TRIM75: variants seen among roughly 807,000 people sequenced by gnomAD.
TRIM75 encodes the protein tripartite motif-containing protein 75.
the TRIM75 span, among the ~76,000 whole-genome samples, chr4:165,057,670 A>G: frequency 2.0e-5 from 3 of 152,096 alleles, no homozygotes; most frequent in Non-Finnish European, 2.9e-5. Flanking sequence ...AGTAGCTATT[A>G]CAGGCATGTG....
chr4:165,057,792 C>G, the TRIM75 span, among the ~76,000 whole-genome samples: 1 of 152,170 alleles, frequency 6.6e-6, no homozygotes, highest in Non-Finnish European at 1.5e-5. Flanking sequence ...CCTCGGCCTC[C>G]CAAAGTGCTG....
the TRIM75 span, chr4:165,060,097 G>T: frequency 1.3e-6 from 1 of 780,930 alleles, no homozygotes; most frequent in Non-Finnish European, 2.4e-6. Context: ...AAACGTGTGA[G>T]ATTTACAAAG....
At chr4:165,055,090 A>G in the TRIM75 span, among the ~76,000 whole-genome samples, 1 of 151,956 alleles carries the variant, frequency 6.6e-6, no homozygotes, top group Non-Finnish European at 1.5e-5. Flanking sequence ...TAGCTCCCCC[A>G]AGGCCACACA....
chr4:165,058,406 C>G, the TRIM75 span, among the ~76,000 whole-genome samples: 1 of 151,872 alleles, frequency 6.6e-6, no homozygotes, highest in Non-Finnish European at 1.5e-5. Flanking sequence ...ATTGCCCAGG[C>G]TAGAAATAAC....
chr4:165,060,279 T>G, the TRIM75 span: 1 of 780,780 alleles, frequency 1.3e-6, no homozygotes, highest in Non-Finnish European at 2.4e-6. Context: ...GAGGAGACCC[T>G]CATCAGCCCA....
At chr4:165,057,117 A>G in the TRIM75 span, among the ~76,000 whole-genome samples, 1 of 152,186 alleles carries the variant, frequency 6.6e-6, no homozygotes, top group African/African-American at 2.4e-5. Context: ...TGCCTTGTAT[A>G]GAATGTATGT....
the TRIM75 span, chr4:165,059,734 G>A: frequency 5.4e-5 from 42 of 780,712 alleles, no homozygotes; most frequent in Admixed American, 4.1e-4. Context: ...TTTTTAGACC[G>A]TGAGCAACAG....
the TRIM75 span, among the ~76,000 whole-genome samples, chr4:165,058,032 A>G: frequency 6.6e-6 from 1 of 152,178 alleles, no homozygotes; most frequent in African/African-American, 2.4e-5. Context: ...AATTTTGTTT[A>G]TATTCAATGT....
chr4:165,054,168 C>T, the TRIM75 span, among the ~76,000 whole-genome samples: 1 of 151,686 alleles, frequency 6.6e-6, no homozygotes, highest in African/African-American at 2.4e-5. Context: ...TCTTGGCTAA[C>T]TACAACCTCT....
At chr4:165,056,022 T>C in the TRIM75 span, among the ~76,000 whole-genome samples, 1 of 151,068 alleles carries the variant, frequency 6.6e-6, no homozygotes, top group Non-Finnish European at 1.5e-5. Context: ...TTCAAGCGAC[T>C]TTCCCACCTC....
the TRIM75 span, among the ~76,000 whole-genome samples, chr4:165,056,061 A>T: frequency 1.3e-5 from 2 of 151,428 alleles, no homozygotes; most frequent in African/African-American, 4.9e-5. Context: ...GACTACAGGC[A>T]TCAGTTATCT....
chr4:165,060,477 GGGCCTCTTC>G, the TRIM75 span: 1 of 779,812 alleles, frequency 1.3e-6, no homozygotes, highest in Non-Finnish European at 2.4e-6. Context: ...CACTTTTACT[GGGCCTCTTC>G]GGCCTTATTT....
chr4:165,060,409 T>A, the TRIM75 span: 1 of 780,918 alleles, frequency 1.3e-6, no homozygotes, highest in Non-Finnish European at 2.4e-6. Flanking sequence ...GACTATGAGA[T>A]GGGTGAGATC....
At chr4:165,056,259 T>C in the TRIM75 span, among the ~76,000 whole-genome samples, 1 of 151,628 alleles carries the variant, frequency 6.6e-6, no homozygotes, top group East Asian at 1.9e-4. Flanking sequence ...TACAGCAAGA[T>C]CCCATCTCTA....
chr4:165,058,456 A>G, the TRIM75 span, among the ~76,000 whole-genome samples: 1 of 152,182 alleles, frequency 6.6e-6, no homozygotes, highest in Non-Finnish European at 1.5e-5. Context: ...GTCATTATTT[A>G]CCTGATTCCA....
the TRIM75 span, among the ~76,000 whole-genome samples, chr4:165,056,636 A>G: frequency 1.1e-5 from 1 of 92,744 alleles, no homozygotes; most frequent in Non-Finnish European, 2.0e-5. Context: ...TTTTTTTGAG[A>G]CAGAGTCTCG....
the TRIM75 span, chr4:165,059,039 G>T: frequency 9.7e-6 from 6 of 621,368 alleles, no homozygotes; most frequent in Non-Finnish European, 1.2e-5. Flanking sequence ...GCTGCCTCCA[G>T]GAAGGACAGT....
the TRIM75 span, chr4:165,059,606 G>A: frequency 1.3e-6 from 1 of 780,850 alleles, no homozygotes; most frequent in Non-Finnish European, 2.4e-6. Context: ...CCCTGAAAAA[G>A]CAATTGGCAG....
the TRIM75 span, among the ~76,000 whole-genome samples, chr4:165,054,599 C>T: frequency 2.0e-5 from 3 of 151,890 alleles, no homozygotes; most frequent in African/African-American, 4.8e-5. Flanking sequence ...TTAGTCTCAC[C>T]GTGTTGGCCA....
Sources: gnomAD v4.1 joint callset for allele counts (sites outside exome capture counted in the v4.1 genomes callset) on GRCh38, gnomAD v4.1.1 for gene constraint, MANE v1.5 for transcripts, NCBI Gene and HGNC (gene_info 2026-07-23, HGNC 2026-07-21) for gene names.